SLC25A21: variants seen among roughly 807,000 people sequenced by gnomAD.
SLC25A21 encodes the protein solute carrier family 25 member 21.
A neutral mutation model predicts 43.8 loss-of-function variants in SLC25A21; 47 were observed. The ratio of observed to expected loss-of-function variants is 1.07; its 90% confidence interval spans 0.85 to 1.37. The LOEUF (loss-of-function observed/expected upper bound fraction) is 1.37, where lower values mean the gene tolerates loss of function less well. Among genes scored for constraint, SLC25A21 ranks in the 40% most tolerant of loss-of-function variants. The pLI, the probability that SLC25A21 is intolerant of heterozygous loss-of-function variation, is 0.00. For missense variants in SLC25A21, 352 were observed against 350.2 expected (o/e 1.00, Z -0.04); for synonymous variants, 131 against 121.3 (o/e 1.08, Z -0.52).
At chr14:37,115,199 T>C (rs1594800176) in intron 1 of SLC25A21, among the ~76,000 whole-genome samples, 2 of 152,236 alleles carry the variant, frequency 1.3e-5, no homozygotes, top group Middle Eastern at 3.4e-3. Flanking sequence ...CTAAGAAAGG[T>C]GGCTCTTTAC....
At chr14:36,909,881 G>T (rs1891636569) in intron 1 of SLC25A21, among the ~76,000 whole-genome samples, 1 of 152,036 alleles carries the variant, frequency 6.6e-6, no homozygotes, top group Non-Finnish European at 1.5e-5. Flanking sequence ...TTAAGTGGAA[G>T]CATAATACAA....
In SLC25A21 at chr14:36,874,996, C is replaced by T; in HGVS notation, c.79G>A (p.Glu27Lys). The change falls in exon 2 of 10, where the codon GAA (glutamate) becomes AAA (lysine). Residue 27 changes from glutamate (E) to lysine (K), a missense_variant. By Grantham distance (56) the Glu-to-Lys change is moderately conservative. Transcript: ENST00000331299. Reference protein sequence around the residue: ...IVAGGSAGLVEICLMHPLDVV... With the variant: ...IVAGGSAGLVKICLMHPLDVV... ...TCTAGGGGGTGCATCAGGCAAATTT[C>T]TACAAGACCTGAAAGATGATAAAGA... 3 of 1,598,714 alleles carry T rather than the reference C, an allele frequency of 1.9e-6. No individual in the cohort carries two copies. The highest frequency in any genetic ancestry group is 2.6e-6 in the Non-Finnish European group (3 of 1,174,900).
At chr14:37,134,021 G>T (rs1317120364) in intron 1 of SLC25A21, among the ~76,000 whole-genome samples, 1 of 152,080 alleles carries the variant, frequency 6.6e-6, no homozygotes, top group African/African-American at 2.4e-5. Context: ...CAATGTTTTT[G>T]CTCAGTGAAG....
intron 1 of SLC25A21, among the ~76,000 whole-genome samples, chr14:37,119,248 T>C (rs943257814): frequency 1.3e-5 from 2 of 152,048 alleles, no homozygotes; most frequent in African/African-American, 4.8e-5. Flanking sequence ...TTGCTTAGCA[T>C]AGAATCAAGA....
At chr14:36,889,693 A>G (rs1414505151) in intron 1 of SLC25A21, among the ~76,000 whole-genome samples, 1 of 151,984 alleles carries the variant, frequency 6.6e-6, no homozygotes, top group Non-Finnish European at 1.5e-5. Context: ...GGGTCTCCAC[A>G]TGTTGTCCAG....
intron 1 of SLC25A21, among the ~76,000 whole-genome samples, chr14:36,968,709 A>T (rs1391595786): frequency 6.6e-6 from 1 of 152,086 alleles, no homozygotes; most frequent in Non-Finnish European, 1.5e-5. Flanking sequence ...CACCTGACTA[A>T]ACTAAGGAGC....
intron 1 of SLC25A21, among the ~76,000 whole-genome samples, chr14:36,881,781 AG>A (rs1566705127): frequency 6.6e-6 from 1 of 152,162 alleles, no homozygotes; most frequent in Non-Finnish European, 1.5e-5. Flanking sequence ...GCCTTTACCT[AG>A]GAACAGTGTT....
At chr14:37,034,976 G>A (rs1168520711) in intron 1 of SLC25A21, among the ~76,000 whole-genome samples, 1 of 152,234 alleles carries the variant, frequency 6.6e-6, no homozygotes, top group African/African-American at 2.4e-5. Context: ...CTGGGGTGAG[G>A]AGTGTAAAGC....
intron 1 of SLC25A21, among the ~76,000 whole-genome samples, chr14:37,023,892 G>A (rs993238410): frequency 1.3e-5 from 2 of 151,694 alleles, no homozygotes; most frequent in Admixed American, 1.3e-4. Context: ...CTGAGCTCCA[G>A]ATAGACAAAG....
At chr14:36,996,553 T>C (rs947946918) in intron 1 of SLC25A21, among the ~76,000 whole-genome samples, 3 of 152,228 alleles carry the variant, frequency 2.0e-5, no homozygotes, top group African/African-American at 4.8e-5. Flanking sequence ...ATTAAGCACA[T>C]TGACTTGCTA....
chr14:36,785,536 C>G (rs895358523), intron 3 of SLC25A21, among the ~76,000 whole-genome samples: 2 of 152,126 alleles, frequency 1.3e-5, no homozygotes, highest in African/African-American at 4.8e-5. Context: ...AGCTTCTTAC[C>G]AGAAGGTGCT....
chr14:37,099,138 C>A (rs937496119), intron 1 of SLC25A21, among the ~76,000 whole-genome samples: 6 of 151,994 alleles, frequency 3.9e-5, no homozygotes, highest in African/African-American at 1.4e-4. Context: ...GGAATTGAGA[C>A]CACATTGATT....
At chr14:36,688,060 T>A (rs142827315) in intron 7 of SLC25A21, among the ~76,000 whole-genome samples, 1 of 152,174 alleles carries the variant, frequency 6.6e-6, no homozygotes, top group African/African-American at 2.4e-5. Context: ...ATCCATACTA[T>A]GGTCACACTG....
intron 1 of SLC25A21, among the ~76,000 whole-genome samples, chr14:37,164,946 G>C (rs992585893): frequency 3.7e-4 from 57 of 152,196 alleles, no homozygotes; most frequent in African/African-American, 1.4e-3. Flanking sequence ...CAAAGTACTT[G>C]AACTGTGTTT....
intron 1 of SLC25A21, among the ~76,000 whole-genome samples, chr14:37,135,546 T>G (rs1034168371): frequency 1.3e-5 from 2 of 152,238 alleles, no homozygotes; most frequent in Admixed American, 6.5e-5. Context: ...AAAAATTCTA[T>G]GTCTTCTCTG....
chr14:36,714,561 G>A (rs993251705), intron 6 of SLC25A21, among the ~76,000 whole-genome samples: 11 of 152,320 alleles, frequency 7.2e-5, no homozygotes, highest in African/African-American at 2.6e-4. Context: ...AAGGCCATAC[G>A]GGAAGAAAGG....
chr14:36,978,033 A>G (rs1959922721), intron 1 of SLC25A21, among the ~76,000 whole-genome samples: 1 of 151,850 alleles, frequency 6.6e-6, no homozygotes, highest in South Asian at 2.1e-4. Context: ...CAATAACAAG[A>G]TCAGGCTGGA....
At chr14:37,152,652 C>T (rs568314556) in intron 1 of SLC25A21, among the ~76,000 whole-genome samples, 3 of 152,032 alleles carry the variant, frequency 2.0e-5, no homozygotes, top group African/African-American at 4.8e-5. Flanking sequence ...ACACTGAAGC[C>T]AAAGAGTGGA....
At chr14:37,015,176 C>A (rs1362968796) in intron 1 of SLC25A21, among the ~76,000 whole-genome samples, 2 of 146,878 alleles carry the variant, frequency 1.4e-5, no homozygotes, top group African/African-American at 5.0e-5. Flanking sequence ...TATCTCCTAA[C>A]GCTATCCCTC....
Sources: allele counts gnomAD v4.1 joint callset (sites outside exome capture counted in the v4.1 genomes callset), GRCh38; gene constraint gnomAD v4.1.1; transcripts MANE v1.5; gene names NCBI Gene and HGNC (gene_info 2026-07-23, HGNC 2026-07-21).